Variants in PARD3 observed in about 807,000 individuals in gnomAD.
The protein encoded by PARD3 is par-3 family cell polarity regulator.
Under a neutral mutation model 155.4 loss-of-function variants are expected in PARD3, and 75 were observed. The observed-to-expected ratio is 0.48, with a 90% CI of 0.40 to 0.58. The LOEUF (loss-of-function observed/expected upper bound fraction) is 0.58. Ranked by LOEUF, PARD3 falls within the 20% of genes least tolerant of loss-of-function variation. The pLI, the probability that PARD3 is intolerant of heterozygous loss-of-function variation, is 0.00. For missense variants in PARD3, 1,642 were observed against 1,721.7 expected, an observed-to-expected ratio of 0.95 and a Z score of 0.82; for synonymous variants, 576 against 610.5, an observed-to-expected ratio of 0.94 and a Z score of 0.83.
At chr10:34,204,392 C>T (rs140514343) in intron 22 of PARD3, among the ~76,000 whole-genome samples, 6 of 152,256 alleles carry the variant, frequency 3.9e-5, no homozygotes, top group East Asian at 3.9e-4. Flanking sequence ...CATAACCTCA[C>T]GGCGCAGTGT....
chr10:34,790,621 A>G (rs937721789), intron 1 of PARD3, among the ~76,000 whole-genome samples: 3 of 152,246 alleles, frequency 2.0e-5, no homozygotes, highest in Non-Finnish European at 2.9e-5. Flanking sequence ...TATTCTCTTT[A>G]AAATGAAGCA....
At chr10:34,409,934 T>G (rs1057416525) in intron 5 of PARD3, among the ~76,000 whole-genome samples, 1 of 152,206 alleles carries the variant, frequency 6.6e-6, no homozygotes, top group African/African-American at 2.4e-5. Flanking sequence ...GGATTTTGCA[T>G]GCAGAATCAT....
At chr10:34,658,612 CA>C (rs1156234613) in intron 2 of PARD3, among the ~76,000 whole-genome samples, 1 of 151,820 alleles carries the variant, frequency 6.6e-6, no homozygotes, top group South Asian at 2.1e-4. Flanking sequence ...AAGATGTGGA[CA>C]GGGGGAAAAA....
intron 5 of PARD3, among the ~76,000 whole-genome samples, chr10:34,441,625 T>C (rs1469504511): frequency 6.6e-6 from 1 of 152,106 alleles, no homozygotes; most frequent in African/African-American, 2.4e-5. Context: ...CCAGAAAATG[T>C]GTGTGTCCTT....
chr10:34,312,829 C>T (rs940165635), intron 20 of PARD3, among the ~76,000 whole-genome samples: 50 of 152,138 alleles, frequency 3.3e-4, no homozygotes, highest in African/African-American at 1.2e-3. Flanking sequence ...TTTTAGAGTA[C>T]ATACAATTCT....
intron 22 of PARD3, among the ~76,000 whole-genome samples, chr10:34,145,897 G>A (rs1346960423): frequency 6.6e-6 from 1 of 152,164 alleles, no homozygotes; most frequent in East Asian, 1.9e-4. Flanking sequence ...GGGGGTTTAT[G>A]AAATGGTGGA....
intron 22 of PARD3, among the ~76,000 whole-genome samples, chr10:34,149,240 A>G (rs1018885923): frequency 6.6e-6 from 1 of 152,180 alleles, no homozygotes; most frequent in Non-Finnish European, 1.5e-5. Context: ...AGTTTTAGGT[A>G]GAAATCATCT....
At chr10:34,630,493 G>A (rs1451727108) in intron 2 of PARD3, among the ~76,000 whole-genome samples, 1 of 149,654 alleles carries the variant, frequency 6.7e-6, no homozygotes, top group Non-Finnish European at 1.5e-5. Flanking sequence ...CTATTACACA[G>A]GCTGGAGTGC....
intron 2 of PARD3, among the ~76,000 whole-genome samples, chr10:34,607,767 C>G (rs1311985800): frequency 6.6e-6 from 1 of 152,170 alleles, no homozygotes; most frequent in Non-Finnish European, 1.5e-5. Context: ...GCTAAGTCAA[C>G]TCCCACGCCA....
chr10:34,184,932 G>A (rs1346249283), intron 22 of PARD3, among the ~76,000 whole-genome samples: 3 of 152,180 alleles, frequency 2.0e-5, no homozygotes, highest in Non-Finnish European at 4.4e-5. Context: ...TCTACTTTGA[G>A]TGATGACATT....
intron 23 of PARD3, among the ~76,000 whole-genome samples, chr10:34,120,004 A>ATTTTTTTTTTTTTT (rs1185067110): frequency 6.8e-5 from 5 of 73,794 alleles, no homozygotes; most frequent in African/African-American, 2.9e-4. Flanking sequence ...GTCTTCTTTA[A>ATTTTTTTTTTTTTT]TTTTTTTTTT....
chr10:34,580,801 C>A (rs1034746141), intron 2 of PARD3, among the ~76,000 whole-genome samples: 1 of 152,112 alleles, frequency 6.6e-6, no homozygotes, highest in Non-Finnish European at 1.5e-5. Context: ...AGAGACACAA[C>A]GTATTATTCA....
chr10:34,308,995 A>G (rs914420653), intron 20 of PARD3, among the ~76,000 whole-genome samples: 3 of 152,260 alleles, frequency 2.0e-5, no homozygotes, highest in Non-Finnish European at 4.4e-5. Flanking sequence ...GTGGACCACG[A>G]TGAGGGATGA....
Position 34,695,219 on chromosome 10 carries a change from G to C in PARD3, c.222+1099C>G, listed in dbSNP as rs1267790203. ...GGGCCGGGTGTGGTGGCTCACATCTGTAATGCCAACACTTTGAGAGGCCAA... is the reference window on the plus strand; with the variant it reads ...GGGCCGGGTGTGGTGGCTCACATCTCTAATGCCAACACTTTGAGAGGCCAA... On this transcript the variant is annotated intron_variant, in intron 2 of 24. Transcript: ENST00000374788. 3.9e-5 allele frequency among the ~76,000 whole-genome samples: 6 copies of C among 152,174 alleles called. No individual in the cohort carries two copies. The East Asian group carries it at 1.2e-3, about 29-fold the overall frequency.
chr10:34,300,603 G>A (rs561196340), intron 20 of PARD3, among the ~76,000 whole-genome samples: 5 of 151,166 alleles, frequency 3.3e-5, no homozygotes, highest in East Asian at 3.9e-4. Flanking sequence ...TAGCCTGTCC[G>A]ACCTGGGTGA....
At chr10:34,324,537 G>C (rs374356570) in intron 19 of PARD3, among the ~76,000 whole-genome samples, 51 of 152,292 alleles carry the variant, frequency 3.3e-4, no homozygotes, top group Middle Eastern at 3.4e-3. Context: ...GGCTGTGAGA[G>C]TCAGAAGGTG....
chr10:34,267,586 T>A (rs757852045), intron 22 of PARD3, among the ~76,000 whole-genome samples: 2 of 152,208 alleles, frequency 1.3e-5, no homozygotes, highest in Non-Finnish European at 2.9e-5. Flanking sequence ...TTGCTATTTT[T>A]AAAAATACTT....
intron 2 of PARD3, among the ~76,000 whole-genome samples, chr10:34,595,036 G>A (rs1047159431): frequency 6.6e-6 from 1 of 152,150 alleles, no homozygotes; most frequent in African/African-American, 2.4e-5. Context: ...GCAAAGGACT[G>A]TTATAATGAT....
chr10:34,606,937 A>T (rs963863215), intron 2 of PARD3, among the ~76,000 whole-genome samples: 1 of 144,704 alleles, frequency 6.9e-6, no homozygotes, highest in African/African-American at 2.5e-5. Flanking sequence ...ACTGCACTCC[A>T]GCCTGGTGAC....
Sources: allele counts gnomAD v4.1 joint callset (sites outside exome capture counted in the v4.1 genomes callset), GRCh38; gene constraint gnomAD v4.1.1; transcripts MANE v1.5; gene names NCBI Gene and HGNC (gene_info 2026-07-23, HGNC 2026-07-21).